Variants in DNAJC3 observed in about 807,000 individuals in gnomAD.
The protein encoded by DNAJC3 is DnaJ heat shock protein family (Hsp40) member C3.
In DNAJC3, 38 loss-of-function variants were observed where a neutral mutation model predicts 68.6. The observed-to-expected ratio is 0.55, with a 90% confidence interval of 0.43 to 0.73. DNAJC3 has a LOEUF of 0.73. Among genes scored for constraint, DNAJC3 ranks in the 30% least tolerant of loss-of-function variants. The probability of loss-of-function intolerance (pLI) is 0.00; values close to 1 mark genes in which losing one functional copy is unlikely to be tolerated. For synonymous variants in DNAJC3, 203 were observed against 204.0 expected (o/e 1.00, Z 0.04); for missense variants, 526 against 591.9 (o/e 0.89, Z 1.16).
intron 9 of DNAJC3, among the ~76,000 whole-genome samples, chr13:95,775,889 G>C (rs1372262386): frequency 2.0e-5 from 3 of 152,050 alleles, no homozygotes; most frequent in African/African-American, 7.2e-5. Context: ...CTGTCTCTCT[G>C]CCAGAAGAAA....
At chr13:95,686,784 TGTA>T (rs1880084233) in intron 1 of DNAJC3, among the ~76,000 whole-genome samples, 1 of 152,248 alleles carries the variant, frequency 6.6e-6, no homozygotes, top group African/African-American at 2.4e-5. Context: ...ACTATAGCCT[TGTA>T]GTATAATTTG....
At chr13:95,788,226 GTTAC>G (rs1883661430) in intron 11 of DNAJC3, among the ~76,000 whole-genome samples, 1 of 152,222 alleles carries the variant, frequency 6.6e-6, no homozygotes. Context: ...ATACTGTCCT[GTTAC>G]TTAGCAAATA....
At chr13:95,781,532 T>C (rs1034289572) in intron 9 of DNAJC3, among the ~76,000 whole-genome samples, 5 of 152,152 alleles carry the variant, frequency 3.3e-5, no homozygotes, top group Non-Finnish European at 7.4e-5. Context: ...CTACTATGAT[T>C]ATATTACTTT....
intron 7 of DNAJC3, among the ~76,000 whole-genome samples, chr13:95,761,502 T>C (rs1882818480): frequency 6.6e-6 from 1 of 152,164 alleles, no homozygotes; most frequent in Admixed American, 6.5e-5. Flanking sequence ...CTTCACTCGG[T>C]TTCCCCCAAC....
intron 4 of DNAJC3, among the ~76,000 whole-genome samples, chr13:95,740,451 G>A (rs1433799311): frequency 6.6e-6 from 1 of 152,206 alleles, no homozygotes; most frequent in Non-Finnish European, 1.5e-5. Context: ...TGCTGTGCTA[G>A]CAATCAGCGA....
At chr13:95,743,094 T>C (rs1882198838) in intron 4 of DNAJC3, 1 of 358,894 alleles carries the variant, frequency 2.8e-6, no homozygotes, top group Admixed American at 3.8e-5. Flanking sequence ...GCTGTACTTT[T>C]ATGGGACTAT....
chr13:95,753,156 C>T (rs544975405), intron 4 of DNAJC3, among the ~76,000 whole-genome samples: 8 of 152,192 alleles, frequency 5.3e-5, no homozygotes, highest in South Asian at 4.1e-4. Context: ...CTGTTCTTTC[C>T]GTATGGTTGT....
chr13:95,727,458 TA>T (rs1396569261), intron 4 of DNAJC3, among the ~76,000 whole-genome samples: 1 of 152,226 alleles, frequency 6.6e-6, no homozygotes, highest in Non-Finnish European at 1.5e-5. Flanking sequence ...TAAAGCAAAC[TA>T]TTTTTTTAGC....
At chr13:95,697,411 G>A (rs181434357) in intron 1 of DNAJC3, among the ~76,000 whole-genome samples, 26 of 152,200 alleles carry the variant, frequency 1.7e-4, no homozygotes, top group Admixed American at 1.4e-3. Context: ...TAATCTGATG[G>A]GATTCCCTTT....
intron 3 of DNAJC3, among the ~76,000 whole-genome samples, chr13:95,723,827 T>C (rs1280578000): frequency 1.3e-5 from 2 of 152,154 alleles, no homozygotes; most frequent in Non-Finnish European, 2.9e-5. Flanking sequence ...CTGGAACCAA[T>C]CCACAAGCTT....
At chr13:95,709,377 G>A (rs763682495) in intron 2 of DNAJC3, 40 bp downstream of exon 2, 8 of 1,379,880 alleles carry the variant, frequency 5.8e-6, no homozygotes, top group African/African-American at 3.0e-5. Context: ...GTCTGTCTTA[G>A]TGAATTCTAG....
chr13:95,781,980 G>A (rs914984095), intron 9 of DNAJC3, among the ~76,000 whole-genome samples: 1 of 152,076 alleles, frequency 6.6e-6, no homozygotes, highest in African/African-American at 2.4e-5. Context: ...ACGGGCCCTG[G>A]TGTGTGATGT....
intron 4 of DNAJC3, among the ~76,000 whole-genome samples, chr13:95,743,539 T>C (rs548463365): frequency 6.8e-4 from 103 of 152,312 alleles, no homozygotes; most frequent in Non-Finnish European, 1.1e-3. Context: ...GGAGACAGCC[T>C]CAGGCCACTG....
chr13:95,687,021 G>A (rs1166384786), intron 1 of DNAJC3, among the ~76,000 whole-genome samples: 2 of 152,126 alleles, frequency 1.3e-5, no homozygotes, highest in Admixed American at 6.5e-5. Context: ...GGATGTTTTT[G>A]TGTTTATTTA....
intron 9 of DNAJC3, among the ~76,000 whole-genome samples, chr13:95,772,107 G>T (rs1299180062): frequency 6.6e-6 from 1 of 152,128 alleles, no homozygotes; most frequent in Non-Finnish European, 1.5e-5. Context: ...TAGATAATAC[G>T]CAAATGAATA....
intron 2 of DNAJC3, among the ~76,000 whole-genome samples, chr13:95,712,721 C>T (rs921556255): frequency 6.6e-6 from 1 of 152,094 alleles, no homozygotes; most frequent in African/African-American, 2.4e-5. Flanking sequence ...CCTTGCTGAA[C>T]GTGTTCATTA....
chr13:95,782,453 T>C (rs1427834245), intron 9 of DNAJC3, among the ~76,000 whole-genome samples: 1 of 152,214 alleles, frequency 6.6e-6, no homozygotes, highest in Non-Finnish European at 1.5e-5. Context: ...CTCTACATCC[T>C]CTCCAGCATC....
At chr13:95,693,529 C>G (rs1056388128) in intron 1 of DNAJC3, 2 of 152,082 alleles carry the variant, frequency 1.3e-5, no homozygotes, top group Non-Finnish European at 2.9e-5. Context: ...TTCTTATCAG[C>G]AATAGTATTA....
chr13:95,785,481 C>T (rs145941535), intron 9 of DNAJC3, among the ~76,000 whole-genome samples: 2 of 89,902 alleles, frequency 2.2e-5, no homozygotes, highest in East Asian at 3.6e-4. Context: ...TTTTTTGAGA[C>T]GGAATCTCAC....
Sources: allele counts gnomAD v4.1 joint callset (sites outside exome capture counted in the v4.1 genomes callset), GRCh38; gene constraint gnomAD v4.1.1; transcripts MANE v1.5; gene names NCBI Gene and HGNC (gene_info 2026-07-23, HGNC 2026-07-21).